Variants in PCDHA9 observed in about 807,000 individuals in gnomAD.
PCDHA9 encodes protocadherin alpha 9, also known as protocadherin alpha-9.
PCDHA9 carries 62 observed loss-of-function variants against 62.0 expected under a neutral mutation model. That is an observed-to-expected ratio of 1.00 (90% CI 0.81 to 1.23). The LOEUF is 1.23. Among genes scored for constraint, PCDHA9 ranks in the 50% most tolerant of loss-of-function variants. The pLI, the probability that PCDHA9 is intolerant of heterozygous loss-of-function variation, is 0.00. For missense variants in PCDHA9, 1,205 were observed against 1,249.8 expected (o/e 0.96, Z 0.54); for synonymous variants, 557 against 567.6 (o/e 0.98, Z 0.27).
intron 1 of PCDHA9, among the ~76,000 whole-genome samples, chr5:140,893,163 T>C (rs557235731): frequency 6.6e-6 from 1 of 152,354 alleles, no homozygotes; most frequent in African/African-American, 2.4e-5. Flanking sequence ...GATATTGAGG[T>C]TGATTCCACA....
intron 1 of PCDHA9, among the ~76,000 whole-genome samples, chr5:140,961,103 A>G (rs531762252): frequency 6.6e-6 from 1 of 152,254 alleles, no homozygotes; most frequent in South Asian, 2.1e-4. Context: ...TTGGTCACCC[A>G]ACCCCCTTGC....
At chr5:140,952,705 T>C (rs2094784320) in intron 1 of PCDHA9, among the ~76,000 whole-genome samples, 1 of 152,160 alleles carries the variant, frequency 6.6e-6, no homozygotes, top group Non-Finnish European at 1.5e-5. Context: ...TATCCCACTC[T>C]CAGTATCAAT....
chr5:140,955,049 G>T (rs2095130069), intron 1 of PCDHA9, among the ~76,000 whole-genome samples: 1 of 152,130 alleles, frequency 6.6e-6, no homozygotes, highest in Admixed American at 6.6e-5. Context: ...CTCATTGCTT[G>T]TTTTTGTCAG....
rs2150418265 is a variant in PCDHA9 at position 140,848,706 on chromosome 5, C to A, written c.211C>A (p.Arg71Ser). ...PRLFQLDSKG[R>S]GDLLEVNLQN... ...CCTGTTCCAGTTGGATTCCAAAGGC[C>A]GCGGGGACCTTCTGGAGGTAAATCT... Residue 71 changes from arginine to serine, a missense_variant, in exon 1 of 4, where the codon CGC becomes AGC. By Grantham distance (110) the Arg-to-Ser change is moderately radical (BLOSUM62 -1). Around this residue, in one of 3 missense-constraint regions of PCDHA9, gnomAD observed 208 missense variants for 213.2 expected, o/e 0.98. Coordinates refer to ENST00000532602, the MANE Select transcript of PCDHA9 (RefSeq NM_031857.2). 6.3e-7 allele frequency: 1 copy of A among 1,592,212 alleles called. No individual in the cohort carries two copies. Among genetic ancestry groups the A allele is most frequent in the African/African-American group, 1.3e-5 (1 of 74,238 alleles).
intron 1 of PCDHA9, chr5:140,966,979 C>T (rs1554229021): frequency 2.5e-6 from 4 of 1,603,612 alleles, no homozygotes; most frequent in Admixed American, 1.7e-5. Context: ...AGCTGCGGCG[C>T]TTGGGGCCGG....
chr5:140,899,541 T>C (rs1469690137), intron 1 of PCDHA9, among the ~76,000 whole-genome samples: 2 of 152,210 alleles, frequency 1.3e-5, no homozygotes, highest in South Asian at 2.1e-4. Context: ...CACTTGATCA[T>C]GGTGGATAAG....
rs1044322759 is a variant in PCDHA9 at position 140,877,540 on chromosome 5, G to C, written c.2394+26651G>C. 35 of 1,613,652 alleles carry C rather than the reference G, an allele frequency of 2.2e-5. No individual in the cohort carries two copies. Among genetic ancestry groups the C allele is most frequent in the Non-Finnish European group, 2.7e-5 (32 of 1,179,908 alleles). On this transcript the variant is annotated intron_variant, in intron 1 of 3. Coordinates refer to ENST00000532602, the MANE Select transcript of PCDHA9 (RefSeq NM_031857.2). ...GGCCTCAGTGGGCGCTGTGGATCCCGAAGCGGCTCTGGTGGATATTAACGT... is the reference window on the plus strand; with the variant it reads ...GGCCTCAGTGGGCGCTGTGGATCCCCAAGCGGCTCTGGTGGATATTAACGT...
intron 1 of PCDHA9, among the ~76,000 whole-genome samples, chr5:140,972,662 T>A (rs1188844189): frequency 1.5e-4 from 8 of 54,766 alleles, no homozygotes; most frequent in African/African-American, 8.1e-4. Context: ...GAAACCAAAT[T>A]TTTTTTTTTT....
chr5:140,862,746 C>A, intron 1 of PCDHA9: 2 of 577,770 alleles, frequency 3.5e-6, no homozygotes, highest in East Asian at 9.5e-5. Flanking sequence ...TGTGGGTGCA[C>A]GCGGAGAGCG....
intron 3 of PCDHA9, among the ~76,000 whole-genome samples, chr5:140,985,188 C>T (rs1186148399): frequency 6.6e-6 from 1 of 152,192 alleles, no homozygotes; most frequent in African/African-American, 2.4e-5. Context: ...CCGCCTGCCT[C>T]GGTCTCCCAA....
At chr5:140,920,503 A>G (rs1411233164) in intron 1 of PCDHA9, among the ~76,000 whole-genome samples, 1 of 152,126 alleles carries the variant, frequency 6.6e-6, no homozygotes, top group Non-Finnish European at 1.5e-5. Flanking sequence ...AGTTCTACAT[A>G]CTGTTTTATG....
Position 140,871,175 on chromosome 5 carries a change from C to T in PCDHA9, c.2394+20286C>T, listed in dbSNP as rs782460096. ...GCGGGCGCCGCGAGCCCAGAGGCTG[C>T]GCTGGTGGATGTCAACGTGTACCTG... is the stretch of plus-strand genomic sequence containing the variant. On this transcript the variant is annotated intron_variant, in intron 1 of 3. Transcript: ENST00000532602. 8 of 1,613,402 alleles carry T rather than the reference C, an allele frequency of 5.0e-6. No individual in the cohort carries two copies. In the African/African-American group the frequency reaches 5.3e-5, roughly 11 times the overall value.
chr5:140,879,943 G>C (rs1554171086), intron 1 of PCDHA9, among the ~76,000 whole-genome samples: 1 of 152,078 alleles, frequency 6.6e-6, no homozygotes, highest in Non-Finnish European at 1.5e-5. Flanking sequence ...ATTGTATTTA[G>C]GGCCCATCTG....
At chr5:140,909,634 T>G (rs2074616296) in intron 1 of PCDHA9, among the ~76,000 whole-genome samples, 1 of 152,176 alleles carries the variant, frequency 6.6e-6, no homozygotes, top group Non-Finnish European at 1.5e-5. Flanking sequence ...GTCTTCCTAT[T>G]TTGTCTTTTC....
At chr5:140,871,141 C>A (rs1431247385) in intron 1 of PCDHA9, 2 of 1,613,438 alleles carry the variant, frequency 1.2e-6, no homozygotes, top group Non-Finnish European at 1.7e-6. Context: ...GGCCTCTTCC[C>A]GGACTTTGGC....
intron 1 of PCDHA9, chr5:140,868,995 A>G (rs944875255): frequency 4.0e-6 from 6 of 1,516,046 alleles, no homozygotes; most frequent in Non-Finnish European, 5.3e-6. Context: ...CCACCGTTTA[A>G]GGATCCTTTG....
At chr5:140,897,367 T>G (rs1554187348) in intron 1 of PCDHA9, among the ~76,000 whole-genome samples, 1 of 125,642 alleles carries the variant, frequency 8.0e-6, no homozygotes, top group South Asian at 2.5e-4. Flanking sequence ...CAGAGTGTGA[T>G]GTTCCCTTCC....
intron 3 of PCDHA9, among the ~76,000 whole-genome samples, chr5:140,983,425 C>A (rs1252010683): frequency 6.6e-6 from 1 of 152,198 alleles, no homozygotes; most frequent in Non-Finnish European, 1.5e-5. Context: ...GTAGAGACCA[C>A]AAATTGTGTC....
intron 1 of PCDHA9, chr5:140,928,628 T>G: frequency 6.2e-7 from 1 of 1,614,222 alleles, no homozygotes; most frequent in Non-Finnish European, 8.5e-7. Context: ...ACTGGACACT[T>G]GGTCACAAAA....
Sources: gnomAD v4.1 joint callset for allele counts (sites outside exome capture counted in the v4.1 genomes callset) on GRCh38, gnomAD v4.1.1 for gene constraint, gnomAD v4.1.1 regional missense constraint, MANE v1.5 for transcripts, NCBI Gene and HGNC (gene_info 2026-07-23, HGNC 2026-07-21) for gene names.